The following RIN3 variants were observed in gnomAD, a reference collection of about 807,000 sequenced individuals.
The protein encoded by RIN3 is RAB5 interacting protein 3.
In RIN3, 54 loss-of-function variants were observed where a neutral mutation model predicts 76.3. The observed-to-expected ratio is 0.71, with a 90% confidence interval of 0.57 to 0.89. The LOEUF (loss-of-function observed/expected upper bound fraction) is 0.89, where lower values mean the gene tolerates loss of function less well. Ranked by LOEUF, RIN3 falls within the 40% of genes least tolerant of loss-of-function variation. The pLI is 0.00. For missense variants in RIN3, 1,256 were observed against 1,322.1 expected (o/e 0.95, Z 0.78); for synonymous variants, 576 against 564.0 (o/e 1.02, Z -0.30).
chr14:92,577,045 TG>T (rs1898264450), intron 2 of RIN3, among the ~76,000 whole-genome samples: 1 of 151,922 alleles, frequency 6.6e-6, no homozygotes, highest in East Asian at 1.9e-4. Flanking sequence ...TCTCAGTGGG[TG>T]GGGGCATAGG....
intron 2 of RIN3, among the ~76,000 whole-genome samples, chr14:92,572,205 G>T (rs1595425351): frequency 6.6e-6 from 1 of 152,240 alleles, no homozygotes; most frequent in African/African-American, 2.4e-5. Flanking sequence ...TTCCCCTGGG[G>T]TGGGCTGTCT....
chr14:92,589,907 A>G (rs1377129863), intron 3 of RIN3, among the ~76,000 whole-genome samples: 1 of 152,230 alleles, frequency 6.6e-6, no homozygotes, highest in Non-Finnish European at 1.5e-5. Context: ...GATCTGTCAT[A>G]AAGGTGGGGT....
chr14:92,516,803 C>T (rs1896455508), intron 1 of RIN3, among the ~76,000 whole-genome samples: 1 of 152,190 alleles, frequency 6.6e-6, no homozygotes, highest in South Asian at 2.1e-4. Context: ...GTGATCTTCA[C>T]TGAAGCTGCA....
intron 3 of RIN3, among the ~76,000 whole-genome samples, chr14:92,600,938 G>C (rs986656126): frequency 1.3e-5 from 2 of 152,166 alleles, no homozygotes; most frequent in Admixed American, 1.3e-4. Flanking sequence ...GGATCAGTTT[G>C]CTCCTGGTTG....
intron 1 of RIN3, among the ~76,000 whole-genome samples, chr14:92,545,104 GTGT>G (rs1414184655): frequency 5.6e-4 from 58 of 104,252 alleles, no homozygotes; most frequent in African/African-American, 1.7e-3. Context: ...TAACTTTCTG[GTGT>G]TTTTTTTTTT....
chr14:92,666,762 A>AG (rs1172481367), intron 7 of RIN3, among the ~76,000 whole-genome samples: 3 of 152,284 alleles, frequency 2.0e-5, no homozygotes, highest in East Asian at 1.9e-4. Context: ...TCAAGATGGG[A>AG]GGGGGAGAAA....
chr14:92,592,641 T>C (rs1365236218), intron 3 of RIN3, among the ~76,000 whole-genome samples: 1 of 131,276 alleles, frequency 7.6e-6, no homozygotes, highest in East Asian at 2.1e-4. Flanking sequence ...TTTTAAATTT[T>C]GTATTATTAT....
At chr14:92,590,223 C>T (rs1335379729) in intron 3 of RIN3, among the ~76,000 whole-genome samples, 1 of 152,206 alleles carries the variant, frequency 6.6e-6, no homozygotes, top group Non-Finnish European at 1.5e-5. Context: ...GCAAAAGGAA[C>T]ATTTTGGAAA....
chr14:92,585,096 G>T (rs1006221661), intron 3 of RIN3, among the ~76,000 whole-genome samples: 1 of 152,230 alleles, frequency 6.6e-6, no homozygotes, highest in Non-Finnish European at 1.5e-5. Context: ...AACCGCAGCT[G>T]CAACTCCCTG....
chr14:92,688,181 C>G lies in RIN3; in HGVS notation c.2887C>G (p.Leu963Val). Residue 963 changes from leucine to valine, a missense_variant, in exon 10 of 10, where the codon CTG becomes GTG. Transcript: ENST00000216487. ...KRDFHFVYRPLDGGGGGGGGS... is the reference protein window; with the variant it reads ...KRDFHFVYRPVDGGGGGGGGS... ...CGACTTCCACTTTGTCTACCGGCCC[C>G]TGGACGGTGGTGGCGGCGGCGGCGG... The G allele has an allele frequency of 3.8e-6, 6 of 1,577,104 alleles. No homozygotes were observed. The highest frequency in any genetic ancestry group is 5.1e-6 in the Non-Finnish European group (6 of 1,168,084).
chr14:92,681,171 A>G lies in RIN3; in HGVS notation c.2468-3816A>G, dbSNP rs1015345830. Among the ~76,000 whole-genome samples the G allele has an allele frequency of 1.3e-5, 2 of 152,174 alleles. No homozygotes were observed. Among genetic ancestry groups the G allele is most frequent in the Non-Finnish European group, 2.9e-5 (2 of 68,034 alleles). On this transcript the variant is annotated intron_variant, in intron 8 of 9. Coordinates refer to ENST00000216487, the MANE Select transcript of RIN3 (RefSeq NM_024832.5). This position sits in a 1 kb window ranked among gnomAD's most constrained non-coding sequence, Gnocchi z 4.7. ...GCCGGGCTGGTGTCTTTCCAGGGGCAGTGGGTTTTTCCAATCAACGCATTC... is the reference window on the plus strand; with the variant it reads ...GCCGGGCTGGTGTCTTTCCAGGGGCGGTGGGTTTTTCCAATCAACGCATTC...
chr14:92,652,246 C>G lies in RIN3; in HGVS notation c.1197C>G (p.Asp399Glu), dbSNP rs1388710952. ...RRVSERVSLE[D>E]QSPGMAAEGD... is the part of the protein sequence containing the mutation. ...TTTCCGAGAGGGTGTCCTTAGAAGACCAAAGTCCGGGGATGGCGGCAGAGG... is the reference window on the plus strand; with the variant it reads ...TTTCCGAGAGGGTGTCCTTAGAAGAGCAAAGTCCGGGGATGGCGGCAGAGG... Residue 399 changes from aspartate to glutamate, a missense_variant, in exon 6 of 10, where the codon GAC becomes GAG. Asp to Glu is a conservative substitution (Grantham distance 45). Coordinates refer to ENST00000216487, the MANE Select transcript of RIN3 (RefSeq NM_024832.5). The surrounding 1 kb of genome is among the most constrained non-coding windows in gnomAD (Gnocchi z 6.4). 4 of 1,610,976 alleles carry G rather than the reference C, an allele frequency of 2.5e-6. No individual in the cohort carries two copies. The Admixed American group carries it at 5.0e-5, about 20-fold the overall frequency.
intron 1 of RIN3, among the ~76,000 whole-genome samples, chr14:92,555,154 A>C (rs1897542591): frequency 6.6e-6 from 1 of 152,226 alleles, no homozygotes. Flanking sequence ...TGTACACTCA[A>C]GATGTGTGCA....
chr14:92,561,008 C>A (rs1426018370), intron 2 of RIN3, among the ~76,000 whole-genome samples: 2 of 48,334 alleles, frequency 4.1e-5, no homozygotes, highest in African/African-American at 7.0e-5. Flanking sequence ...GCAACAAGAG[C>A]GAAACTCTGT....
intron 3 of RIN3, among the ~76,000 whole-genome samples, chr14:92,578,368 T>C (rs1898323858): frequency 6.6e-6 from 1 of 152,088 alleles, no homozygotes; most frequent in African/African-American, 2.4e-5. Context: ...TTTGTTCTGG[T>C]AGTACAATGT....
At chr14:92,560,881 T>C (rs1360578330) in intron 2 of RIN3, among the ~76,000 whole-genome samples, 1 of 149,712 alleles carries the variant, frequency 6.7e-6, no homozygotes, top group Non-Finnish European at 1.5e-5. Flanking sequence ...TTAGCCAGGC[T>C]TGGTGGTGGG....
chr14:92,595,406 C>T (rs1885118538), intron 3 of RIN3, among the ~76,000 whole-genome samples: 3 of 152,194 alleles, frequency 2.0e-5, no homozygotes, highest in Non-Finnish European at 2.9e-5. Flanking sequence ...GCTCAGCTTG[C>T]CCTGGGCAGA....
intron 5 of RIN3, among the ~76,000 whole-genome samples, chr14:92,647,154 G>A (rs1190527209): frequency 3.3e-5 from 5 of 152,196 alleles, no homozygotes; most frequent in Non-Finnish European, 5.9e-5. Flanking sequence ...TTTTGAGATA[G>A]GGATGATGTT....
intron 5 of RIN3, among the ~76,000 whole-genome samples, chr14:92,647,386 A>G (rs907142685): frequency 7.9e-5 from 12 of 152,244 alleles, no homozygotes; most frequent in African/African-American, 2.7e-4. Context: ...TATATTCAGC[A>G]GTTGATTACA....
Sources: gnomAD v4.1 joint callset for allele counts (sites outside exome capture counted in the v4.1 genomes callset) on GRCh38, gnomAD v4.1.1 for gene constraint, Gnocchi (gnomAD v3.1) non-coding constraint, MANE v1.5 for transcripts, NCBI Gene and HGNC (gene_info 2026-07-23, HGNC 2026-07-21) for gene names.